Variants in PTPN13 observed in about 807,000 individuals in gnomAD.
PTPN13 encodes protein tyrosine phosphatase non-receptor type 13.
Under a neutral mutation model 284.0 loss-of-function variants are expected in PTPN13, and 191 were observed. The observed-to-expected ratio is 0.67, with a 90% CI of 0.60 to 0.76. The LOEUF is 0.76. PTPN13 is among the 30% of genes least tolerant of loss of function. The probability of loss-of-function intolerance (pLI) is 0.00; values close to 1 mark genes in which losing one functional copy is unlikely to be tolerated. For synonymous variants in PTPN13, 986 were observed against 1,022.3 expected (o/e 0.96, Z 0.68); for missense variants, 2,797 against 2,939.9 (o/e 0.95, Z 1.12).
chr4:86,758,204 A>G (rs1738220624), intron 20 of PTPN13, 56 bp from the exon 21 acceptor site: 3 of 1,206,762 alleles, frequency 2.5e-6, no homozygotes, highest in Non-Finnish European at 3.5e-6. Context: ...AAACAAGCTG[A>G]CAGTCTTAAT....
intron 28 of PTPN13, among the ~76,000 whole-genome samples, chr4:86,768,375 T>C (rs1007199235): frequency 5.3e-5 from 8 of 152,170 alleles, no homozygotes; most frequent in Non-Finnish European, 1.0e-4. Context: ...TGGGCAGATA[T>C]TCACATAGTA....
intron 1 of PTPN13, among the ~76,000 whole-genome samples, chr4:86,596,667 T>C (rs1479512872): frequency 6.6e-6 from 1 of 152,218 alleles, no homozygotes; most frequent in African/African-American, 2.4e-5. Context: ...CTGTCTTTAA[T>C]GTGTTAAGGA....
At chr4:86,739,834 A>G (rs193017462) in intron 15 of PTPN13, among the ~76,000 whole-genome samples, 13 of 152,332 alleles carry the variant, frequency 8.5e-5, no homozygotes, top group African/African-American at 3.1e-4. Flanking sequence ...GCATTGGGTA[A>G]ATACAGCCAT....
chr4:86,640,813 A>G (rs1468273305), intron 2 of PTPN13, among the ~76,000 whole-genome samples: 43 of 152,338 alleles, frequency 2.8e-4, no homozygotes, highest in Non-Finnish European at 7.3e-5. Context: ...GCACATTATA[A>G]TTAAAAGACT....
At chr4:86,773,923 T>G (rs767333306) in intron 32 of PTPN13, among the ~76,000 whole-genome samples, 3 of 152,114 alleles carry the variant, frequency 2.0e-5, no homozygotes, top group Non-Finnish European at 4.4e-5. Context: ...AGACTTCATA[T>G]TTTTACCAAA....
At position 86,765,420 on chromosome 4, in the gene PTPN13, A is replaced by G. The variant is rs781657966; in HGVS notation, c.4175A>G (p.His1392Arg). Residue 1392 changes from histidine to arginine, a missense_variant, in exon 26 of 48, where the codon CAT (histidine) becomes CGT (arginine). Physicochemically the swap from His to Arg is conservative, Grantham distance 29. Transcript: ENST00000411767. ...GGAGGTGTGAATACGAGTGTCAGAC[A>G]TGGTGGCATTTATGTGAAAGCTGTT... is the stretch of plus-strand genomic sequence containing the variant. ...VTGGVNTSVR[H>R]GGIYVKAVIP... 4 of 1,602,496 alleles carry G rather than the reference A, an allele frequency of 2.5e-6. No homozygotes were observed. Among genetic ancestry groups the G allele is most frequent in the Non-Finnish European group, 3.4e-6 (4 of 1,174,020 alleles).
intron 1 of PTPN13, among the ~76,000 whole-genome samples, chr4:86,620,542 A>G (rs898934116): frequency 1.3e-4 from 20 of 152,230 alleles, no homozygotes; most frequent in Non-Finnish European, 7.3e-5. Context: ...GTAAAGGAGA[A>G]TAGAGCAAAA....
intron 1 of PTPN13, among the ~76,000 whole-genome samples, chr4:86,605,552 G>A (rs968888535): frequency 6.6e-6 from 1 of 151,796 alleles, no homozygotes; most frequent in Non-Finnish European, 1.5e-5. Context: ...TTTAGTCAGG[G>A]GGAAACAACT....
chr4:86,665,494 G>A (rs540786739), intron 2 of PTPN13, among the ~76,000 whole-genome samples: 3 of 152,128 alleles, frequency 2.0e-5, no homozygotes, highest in African/African-American at 7.2e-5. Context: ...ACACCAATTT[G>A]ACAAATGTAG....
chr4:86,768,222 G>T (rs1739557558), intron 28 of PTPN13, among the ~76,000 whole-genome samples: 1 of 152,258 alleles, frequency 6.6e-6, no homozygotes, highest in East Asian at 1.9e-4. Context: ...GCTTTAAATT[G>T]TTGTAAAATT....
At chr4:86,666,387 GCTCTCTCTT>G (rs549822813) in intron 2 of PTPN13, among the ~76,000 whole-genome samples, 2,074 of 152,152 alleles carry the variant, frequency 0.014, 26 homozygotes, top group African/African-American at 0.029. Context: ...AGAAAGAACA[GCTCTCTCTT>G]CTCTCTCTTC....
intron 1 of PTPN13, among the ~76,000 whole-genome samples, chr4:86,603,233 CATA>C (rs1385342352): frequency 6.6e-6 from 1 of 151,878 alleles, no homozygotes; most frequent in African/African-American, 2.4e-5. Flanking sequence ...AATATCTAAA[CATA>C]ATTAGAAAAG....
At chr4:86,726,447 G>A (rs1028992777) in intron 10 of PTPN13, among the ~76,000 whole-genome samples, 6 of 149,194 alleles carry the variant, frequency 4.0e-5, no homozygotes, top group African/African-American at 4.9e-5. Context: ...CCTCCTATCC[G>A]TGAGCATGGA....
Position 86,738,883 on chromosome 4 carries a change from G to A in PTPN13, c.2305-2751G>A, listed in dbSNP as rs1360373124. On this transcript the variant is annotated intron_variant, in intron 15 of 47. Coordinates refer to ENST00000411767, the MANE Select transcript of PTPN13 (RefSeq NM_080683.3). ...TTTCATAGGGACAGGATTTTGTCAT[G>A]ATGGCCAGGCTGGTCTCAAACTCCT... 2.0e-5 allele frequency among the ~76,000 whole-genome samples: 3 copies of A among 152,214 alleles called. No homozygotes were observed. The East Asian group carries it at 5.8e-4, about 29-fold the overall frequency.
rs879882480 is a variant in PTPN13, at chr4:86,680,337, TTCTA to T, written c.295-6365_295-6362del. On this transcript the variant is annotated intron_variant, in intron 3 of 47. Coordinates refer to ENST00000411767, the MANE Select transcript of PTPN13 (RefSeq NM_080683.3). ...TCATCTTTCCATGTCACATTTTCCTTTCTATCTATCTCTATCTATCTATCTATCT... is the reference window on the plus strand; with the variant it reads ...TCATCTTTCCATGTCACATTTTCCTTTCTATCTCTATCTATCTATCTATCT... Among the ~76,000 whole-genome samples, 692 of 148,374 alleles carry T rather than the reference TTCTA, an allele frequency of 4.7e-3. 1 individual carries two copies. Among genetic ancestry groups the T allele is most frequent in the Middle Eastern group, 6.8e-3 (2 of 292 alleles).
At chr4:86,788,194 T>A (rs1742208415) in intron 40 of PTPN13, among the ~76,000 whole-genome samples, 1 of 152,190 alleles carries the variant, frequency 6.6e-6, no homozygotes, top group Non-Finnish European at 1.5e-5. Context: ...GGCAATTATA[T>A]TCATAAGCAG....
chr4:86,808,002 A>C, intron 45 of PTPN13, 105 bp downstream of exon 45: 1 of 1,007,460 alleles, frequency 9.9e-7, no homozygotes. Flanking sequence ...GATAAAAGAC[A>C]GTGACTTCCT....
At chr4:86,797,684 G>C (rs1743507774) in intron 41 of PTPN13, among the ~76,000 whole-genome samples, 1 of 151,640 alleles carries the variant, frequency 6.6e-6, no homozygotes. Flanking sequence ...TCACCTATTG[G>C]GTTATGGGTC....
intron 46 of PTPN13, 116 bp downstream of exon 46, chr4:86,810,100 T>C (rs1316657844): frequency 4.2e-6 from 3 of 715,718 alleles, no homozygotes; most frequent in Non-Finnish European, 6.6e-6. Context: ...TATGACTGCC[T>C]TCATTTTCTT....
Sources: allele counts gnomAD v4.1 joint callset (sites outside exome capture counted in the v4.1 genomes callset), GRCh38; gene constraint gnomAD v4.1.1; transcripts MANE v1.5; gene names NCBI Gene and HGNC (gene_info 2026-07-23, HGNC 2026-07-21).